ADAMTSL1: variants seen among roughly 807,000 people sequenced by gnomAD.
ADAMTSL1 encodes the protein ADAMTS-like protein 1.
In ADAMTSL1, 126 loss-of-function variants were observed where a neutral mutation model predicts 201.8. The observed-to-expected ratio is 0.62, with a 90% CI of 0.54 to 0.72. The LOEUF is 0.72. Among genes scored for constraint, ADAMTSL1 ranks in the 30% least tolerant of loss-of-function variants. The pLI is 0.00. For missense variants in ADAMTSL1, 2,679 were observed against 2,277.8 expected (o/e 1.18, Z -3.59); for synonymous variants, 1,121 against 903.4 (o/e 1.24, Z -4.32).
At chr9:18,027,185 T>C (rs1820737114) in intron 1 of ADAMTSL1, among the ~76,000 whole-genome samples, 1 of 151,824 alleles carries the variant, frequency 6.6e-6, no homozygotes, top group Non-Finnish European at 1.5e-5. Context: ...ATTGGTCCTT[T>C]GTATAGATTT....
chr9:18,639,060 C>G (rs1322871003), intron 6 of ADAMTSL1, among the ~76,000 whole-genome samples, 194 bp from the exon 7 acceptor site: 1 of 152,110 alleles, frequency 6.6e-6, no homozygotes, highest in Non-Finnish European at 1.5e-5. Flanking sequence ...GAAATAATTT[C>G]AACTCCAGCA....
chr9:17,940,611 G>A (rs1456452187), intron 1 of ADAMTSL1, among the ~76,000 whole-genome samples: 1 of 151,174 alleles, frequency 6.6e-6, no homozygotes, highest in African/African-American at 2.4e-5. Context: ...GGAAATGCAA[G>A]ATGGGAGCCA....
intron 2 of ADAMTSL1, among the ~76,000 whole-genome samples, chr9:18,246,968 G>A (rs187481950): frequency 3.1e-4 from 47 of 152,042 alleles, no homozygotes; most frequent in African/African-American, 1.0e-3. Context: ...TCCTAACCTC[G>A]GGTTTGACTG....
chr9:18,145,796 C>A (rs1009743951), intron 1 of ADAMTSL1, among the ~76,000 whole-genome samples: 2 of 151,858 alleles, frequency 1.3e-5, no homozygotes, highest in Non-Finnish European at 2.9e-5. Flanking sequence ...AAGACAGTTA[C>A]AAGAATAAAA....
intron 2 of ADAMTSL1, among the ~76,000 whole-genome samples, chr9:18,175,038 A>G (rs531535377): frequency 6.6e-6 from 1 of 152,324 alleles, no homozygotes; most frequent in South Asian, 2.1e-4. Context: ...ATCTGTATCT[A>G]TAATTAAATT....
chr9:18,626,861 T>G (rs1172052957), intron 5 of ADAMTSL1, among the ~76,000 whole-genome samples: 2 of 133,792 alleles, frequency 1.5e-5, no homozygotes, highest in African/African-American at 3.1e-5. Flanking sequence ...CTTTCTTTCT[T>G]TCTTTCTGTC....
At chr9:18,329,172 G>A (rs1026006819) in intron 2 of ADAMTSL1, among the ~76,000 whole-genome samples, 5 of 152,092 alleles carry the variant, frequency 3.3e-5, no homozygotes, top group East Asian at 3.9e-4. Context: ...CCTTCTACCC[G>A]TGAGGACACA....
intron 2 of ADAMTSL1, among the ~76,000 whole-genome samples, chr9:18,446,437 G>T (rs551075543): frequency 1.3e-5 from 2 of 152,232 alleles, no homozygotes; most frequent in Non-Finnish European, 2.9e-5. Flanking sequence ...AAATAAGCAA[G>T]TATGGGTTTT....
intron 2 of ADAMTSL1, among the ~76,000 whole-genome samples, chr9:18,531,455 A>T (rs1366182146): frequency 1.3e-5 from 2 of 152,118 alleles, no homozygotes; most frequent in African/African-American, 4.8e-5. Flanking sequence ...ACTGACACAC[A>T]TGTGTCTTTG....
chr9:18,237,544 T>C (rs2132434385), intron 2 of ADAMTSL1, among the ~76,000 whole-genome samples: 1 of 152,364 alleles, frequency 6.6e-6, no homozygotes, highest in East Asian at 1.9e-4. Context: ...GAAAGCTCAC[T>C]ACTATACAAA....
intron 2 of ADAMTSL1, among the ~76,000 whole-genome samples, chr9:18,262,553 T>C (rs1488314557): frequency 2.0e-5 from 3 of 152,170 alleles, no homozygotes; most frequent in Non-Finnish European, 4.4e-5. Flanking sequence ...ACAATTTATA[T>C]GATGAAATAT....
intron 16 of ADAMTSL1, among the ~76,000 whole-genome samples, chr9:18,755,079 T>C (rs1184836371): frequency 6.6e-6 from 1 of 152,328 alleles, no homozygotes; most frequent in Non-Finnish European, 1.5e-5. Context: ...AAACCTATTG[T>C]GTATGGCTAA....
chr9:18,637,096 A>G (rs1033959285), intron 6 of ADAMTSL1, among the ~76,000 whole-genome samples: 6 of 152,146 alleles, frequency 3.9e-5, no homozygotes, highest in Non-Finnish European at 8.8e-5. Flanking sequence ...AAGAGGTGGG[A>G]TTTGAAAGGC....
intron 1 of ADAMTSL1, among the ~76,000 whole-genome samples, chr9:18,029,272 C>T (rs1015211910): frequency 6.6e-6 from 1 of 151,934 alleles, no homozygotes; most frequent in Admixed American, 6.6e-5. Flanking sequence ...GCCTCATTGC[C>T]CTGGCCAGAA....
chr9:18,899,361 G>GATTTT (rs1377198626), intron 26 of ADAMTSL1, among the ~76,000 whole-genome samples: 8 of 152,170 alleles, frequency 5.3e-5, no homozygotes, highest in African/African-American at 1.9e-4. Context: ...TCATGAAAAT[G>GATTTT]GCCATACTGC....
chr9:18,434,043 T>C (rs555198139), intron 2 of ADAMTSL1, among the ~76,000 whole-genome samples: 24 of 152,316 alleles, frequency 1.6e-4, no homozygotes, highest in African/African-American at 5.8e-4. Flanking sequence ...TGCTGAACTT[T>C]TATGTAACTT....
intron 1 of ADAMTSL1, among the ~76,000 whole-genome samples, chr9:18,043,808 C>T (rs552025146): frequency 4.7e-4 from 71 of 151,902 alleles, no homozygotes; most frequent in African/African-American, 1.5e-3. Context: ...CTGAATTATA[C>T]GTAGGTACAA....
intron 2 of ADAMTSL1, among the ~76,000 whole-genome samples, chr9:18,378,789 T>C (rs569046780): frequency 6.6e-6 from 1 of 152,168 alleles, no homozygotes; most frequent in African/African-American, 2.4e-5. Context: ...CTCTGACCAG[T>C]CCCATATCAA....
intron 1 of ADAMTSL1, among the ~76,000 whole-genome samples, chr9:17,964,756 A>G (rs772108439): frequency 6.6e-6 from 1 of 152,218 alleles, no homozygotes; most frequent in African/African-American, 2.4e-5. Flanking sequence ...TTATAACTAC[A>G]TGTGAATCCA....
Sources: allele counts gnomAD v4.1 joint callset (sites outside exome capture counted in the v4.1 genomes callset), GRCh38; gene constraint gnomAD v4.1.1; transcripts MANE v1.5; gene names NCBI Gene and HGNC (gene_info 2026-07-23, HGNC 2026-07-21).